IQCH: variants seen among roughly 807,000 people sequenced by gnomAD.
The protein encoded by IQCH is IQ domain-containing protein H.
Under a neutral mutation model 117.0 loss-of-function variants are expected in IQCH, and 98 were observed. That is an observed-to-expected ratio of 0.84 (90% CI 0.71 to 0.99). The LOEUF (loss-of-function observed/expected upper bound fraction) is 0.99. Among genes scored for constraint, IQCH ranks in the 50% least tolerant of loss-of-function variants. The pLI, the probability that IQCH is intolerant of heterozygous loss-of-function variation, is 0.00. For synonymous variants in IQCH, 412 were observed against 448.2 expected (o/e 0.92, Z 1.02); for missense variants, 1,102 against 1,243.8 (o/e 0.89, Z 1.72).
chr15:67,329,688 C>T (rs998003464), intron 4 of IQCH, among the ~76,000 whole-genome samples: 2 of 151,976 alleles, frequency 1.3e-5, no homozygotes, highest in Non-Finnish European at 1.5e-5. Context: ...AGTCTGGTCT[C>T]GAACTCCTGG....
rs188760360 is a variant in IQCH, at chr15:67,379,770, G to T, written c.1373-5166G>T. Among the ~76,000 whole-genome samples, 230 of 152,138 alleles carry T rather than the reference G, an allele frequency of 1.5e-3. 2 individuals are homozygous for T. The highest frequency in any genetic ancestry group is 1.7e-3 in the East Asian group (9 of 5,182). The stretch of plus-strand genomic sequence containing the variant: ...GGTCTTTGTTTCCCCTTCACCTTCC[G>T]CCATGATTGTAAGTCTTCTGAAGCC... On this transcript the variant is annotated intron_variant, in intron 10 of 20. Transcript: ENST00000335894.
rs1299658583 is a variant in IQCH, at chr15:67,481,416, AACTC to A, written c.2799+5606_2799+5609del. On this transcript the variant is annotated intron_variant, in intron 18 of 20. Transcript: ENST00000335894. The surrounding 1 kb of genome is among the most constrained non-coding windows in gnomAD (Gnocchi z 4.1). ...TTATAAAATCATCAGATTGAGTGAG[AACTC>A]ACTCACTATCATGAGAACAGTGTAA... is the stretch of plus-strand genomic sequence containing the variant. Among the ~76,000 whole-genome samples the A allele has an allele frequency of 6.6e-6, 1 of 152,166 alleles. No homozygotes were observed. The highest frequency in any genetic ancestry group is 6.5e-5 in the Admixed American group (1 of 15,284).
chr15:67,339,298 A>G (rs1042123189), intron 5 of IQCH, among the ~76,000 whole-genome samples: 3 of 152,210 alleles, frequency 2.0e-5, no homozygotes, highest in Non-Finnish European at 4.4e-5. Context: ...ATAACTTTCA[A>G]AAACAGCTAA....
At chr15:67,309,749 A>G (rs980509767) in intron 4 of IQCH, among the ~76,000 whole-genome samples, 2 of 151,712 alleles carry the variant, frequency 1.3e-5, no homozygotes, top group African/African-American at 4.8e-5. Flanking sequence ...GAATGGGGGA[A>G]GCAAGATGGA....
At chr15:67,343,891 T>C (rs985064648) in intron 5 of IQCH, among the ~76,000 whole-genome samples, 172 bp from the exon 6 acceptor site, 7 of 152,188 alleles carry the variant, frequency 4.6e-5, no homozygotes, top group African/African-American at 1.7e-4. Context: ...GAATATTACA[T>C]TTAAATGAAT....
intron 6 of IQCH, among the ~76,000 whole-genome samples, chr15:67,351,919 G>A (rs1969679781): frequency 6.6e-6 from 1 of 151,586 alleles, no homozygotes; most frequent in African/African-American, 2.4e-5. Context: ...AAATCATTCT[G>A]ACCATCGTTA....
At chr15:67,327,561 A>G (rs963920404) in intron 4 of IQCH, among the ~76,000 whole-genome samples, 2 of 152,136 alleles carry the variant, frequency 1.3e-5, no homozygotes, top group African/African-American at 2.4e-5. Context: ...ATTTCTTTGT[A>G]TGTACAAGAA....
intron 1 of IQCH, among the ~76,000 whole-genome samples, chr15:67,259,926 T>C (rs950211957): frequency 1.3e-5 from 2 of 152,204 alleles, no homozygotes; most frequent in African/African-American, 4.8e-5. Context: ...TTGTGAAGAG[T>C]ACAAATGACC....
At chr15:67,301,199 C>T (rs147622851) in intron 4 of IQCH, among the ~76,000 whole-genome samples, 12 of 152,190 alleles carry the variant, frequency 7.9e-5, no homozygotes, top group African/African-American at 2.9e-4. Context: ...CCAGAGCATA[C>T]TTTCCTGCTT....
chr15:67,475,643 A>C lies in IQCH; in HGVS notation c.2677-53A>C. On this transcript the variant is annotated intron_variant, in intron 17 of 20. Coordinates refer to ENST00000335894, the MANE Select transcript of IQCH (RefSeq NM_001031715.3). The surrounding 1 kb of genome is among the most constrained non-coding windows in gnomAD (Gnocchi z 5.7). ...TTCCTGTTAATCTCAAGTATTCCAA[A>C]ATTACAAGTTTATTTAAATATCTGT... The C allele has an allele frequency of 6.4e-7, 1 of 1,564,542 alleles. No individual in the cohort carries two copies. Among genetic ancestry groups the C allele is most frequent in the Non-Finnish European group, 8.7e-7 (1 of 1,146,624 alleles).
chr15:67,423,392 C>T (rs2081799442), intron 16 of IQCH, among the ~76,000 whole-genome samples: 1 of 151,718 alleles, frequency 6.6e-6, no homozygotes, highest in Non-Finnish European at 1.5e-5. Context: ...ATAATGGGAC[C>T]CCATGTCTAC....
intron 10 of IQCH, among the ~76,000 whole-genome samples, chr15:67,375,782 A>ATTT (rs56656205): frequency 1.3e-4 from 12 of 90,342 alleles, no homozygotes; most frequent in East Asian, 3.1e-4. Context: ...TTTGTTTTGG[A>ATTT]TTTTTTTTTT....
chr15:67,255,136 C>T lies in IQCH; in HGVS notation c.51+189C>T, dbSNP rs1965093812. On this transcript the variant is annotated intron_variant, in intron 1 of 20. Transcript: ENST00000335894. ...GGCCCAGCACACTCCCGGTGACTTA[C>T]CCTGTAGGTTACGCCCCAGAAGCAG... is the stretch of plus-strand genomic sequence containing the variant. The T allele has an allele frequency of 2.7e-5, 17 of 626,326 alleles. No homozygotes were observed. The East Asian group carries it at 4.4e-4, about 16-fold the overall frequency. The allele number at this position is 626,326 out of a possible 1,614,324, so 38.8% of individuals were successfully genotyped here. A position where few individuals can be genotyped will look rare whatever the true frequency, so the allele number is the denominator to read the frequency against.
chr15:67,463,904 C>G lies in IQCH; in HGVS notation c.2506-1223C>G, dbSNP rs369793967. Among the ~76,000 whole-genome samples, 1 of 152,090 alleles carries G rather than the reference C, an allele frequency of 6.6e-6. No individual in the cohort carries two copies. Among genetic ancestry groups the G allele is most frequent in the South Asian group, 2.1e-4 (1 of 4,822 alleles). On this transcript the variant is annotated intron_variant, in intron 16 of 20. Transcript: ENST00000335894. This position sits in a 1 kb window ranked among gnomAD's most constrained non-coding sequence, Gnocchi z 4.0. ...GCCACCCAGGCTGGACTGTAGTGGT[C>G]TGATCTCGGCTCACTGAAACCTCTG... is the stretch of plus-strand genomic sequence containing the variant.
intron 4 of IQCH, among the ~76,000 whole-genome samples, chr15:67,313,861 C>G (rs1967718537): frequency 6.6e-6 from 1 of 152,130 alleles, no homozygotes; most frequent in African/African-American, 2.4e-5. Flanking sequence ...CCTTGATGTC[C>G]TCATTAGTTA....
chr15:67,265,376 A>G (rs1023990817), intron 3 of IQCH, among the ~76,000 whole-genome samples: 2 of 152,244 alleles, frequency 1.3e-5, no homozygotes, highest in Non-Finnish European at 2.9e-5. Context: ...CTTGGATCAT[A>G]TCTTTCCTAT....
rs771419111 is a variant in IQCH at position 67,344,119 on chromosome 15, C to G, written c.565C>G (p.Gln189Glu). The change falls in exon 6 of 21, where the codon CAG becomes GAG. Residue 189 changes from glutamine to glutamate, a missense_variant. Gln to Glu is a conservative substitution (Grantham distance 29). Around this residue, in one of 2 missense-constraint regions of IQCH, gnomAD observed 452 missense variants for 449.6 expected, o/e 1.01. Transcript: ENST00000335894. ...TCCACCAACAGCAAGGATTACCTTTCAGAATCCACCCATTACACCCAGAGC... is the reference window on the plus strand; with the variant it reads ...TCCACCAACAGCAAGGATTACCTTTGAGAATCCACCCATTACACCCAGAGC... Reference protein sequence around the residue: ...LIPPTARITFQNPPITPRAAP... With the variant: ...LIPPTARITFENPPITPRAAP... 6.2e-7 allele frequency: 1 copy of G among 1,613,310 alleles called. No individual in the cohort carries two copies. The highest frequency in any genetic ancestry group is 2.2e-5 in the East Asian group (1 of 44,848).
intron 4 of IQCH, among the ~76,000 whole-genome samples, chr15:67,328,984 G>A (rs934552484): frequency 1.3e-5 from 2 of 152,068 alleles, no homozygotes; most frequent in Non-Finnish European, 2.9e-5. Context: ...GATAACAATT[G>A]ATCACTTGTG....
Position 67,395,180 on chromosome 15 carries a change from A to G in IQCH, c.1633-111A>G. 1.6e-6 allele frequency: 2 copies of G among 1,218,012 alleles called. No individual in the cohort carries two copies. Among genetic ancestry groups the G allele is most frequent in the Admixed American group, 2.2e-5 (1 of 45,132 alleles). 75.5% of individuals were successfully genotyped at this position (1,218,012 alleles called of 1,614,324 possible). A position where few individuals can be genotyped will look rare whatever the true frequency, so the allele number is the denominator to read the frequency against. On this transcript the variant is annotated intron_variant, in intron 12 of 20. Coordinates refer to ENST00000335894, the MANE Select transcript of IQCH (RefSeq NM_001031715.3). The surrounding 1 kb of genome is among the most constrained non-coding windows in gnomAD (Gnocchi z 4.0). ...AAACTGCTAAACAACAGGATAGGTC[A>G]TAACCCAGCCTGCTATTAATAATGT...
Sources: gnomAD v4.1 joint callset for allele counts (sites outside exome capture counted in the v4.1 genomes callset) on GRCh38, gnomAD v4.1.1 for gene constraint, gnomAD v4.1.1 regional missense constraint, Gnocchi (gnomAD v3.1) non-coding constraint, MANE v1.5 for transcripts, NCBI Gene and HGNC (gene_info 2026-07-23, HGNC 2026-07-21) for gene names.